The following PPP2R2C variants were observed in gnomAD, a reference collection of about 807,000 sequenced individuals.
PPP2R2C encodes the protein protein phosphatase 2, regulatory subunit B, gamma.
A neutral mutation model predicts 45.3 loss-of-function variants in PPP2R2C; 10 were observed. That is an observed-to-expected ratio of 0.22 (90% CI 0.14 to 0.37). The LOEUF (loss-of-function observed/expected upper bound fraction) is 0.37. Among genes scored for constraint, PPP2R2C ranks in the 10% least tolerant of loss-of-function variants. The pLI is 1.00. For missense variants in PPP2R2C, 308 were observed against 619.7 expected (o/e 0.50, Z 5.34); for synonymous variants, 257 against 245.4 (o/e 1.05, Z -0.44).
At chr4:6,381,176 C>T (rs757029398) in intron 1 of PPP2R2C, 82 bp from the exon 2 acceptor site, 33 of 1,549,038 alleles carry the variant, frequency 2.1e-5, no homozygotes, top group Admixed American at 7.8e-5. Context: ...ACAGCAATGG[C>T]GAGCTCCCCG....
chr4:6,440,418 C>T (rs887815739), intron 1 of PPP2R2C, among the ~76,000 whole-genome samples: 2 of 152,150 alleles, frequency 1.3e-5, no homozygotes, highest in Non-Finnish European at 2.9e-5. Context: ...ACTCAGAGTC[C>T]CCTGGGGCCA....
chr4:6,417,249 T>C (rs1718653708), intron 1 of PPP2R2C, among the ~76,000 whole-genome samples: 1 of 152,156 alleles, frequency 6.6e-6, no homozygotes, highest in Non-Finnish European at 1.5e-5. Context: ...AGGGTCCAGG[T>C]GGTAATGCTG....
chr4:6,450,514 G>T (rs1036281978), intron 1 of PPP2R2C, among the ~76,000 whole-genome samples: 1 of 152,124 alleles, frequency 6.6e-6, no homozygotes, highest in African/African-American at 2.4e-5. Flanking sequence ...GGGTCAGCTC[G>T]GGGGGTTCCA....
chr4:6,444,052 G>A (rs902634948), intron 1 of PPP2R2C, among the ~76,000 whole-genome samples: 10 of 152,316 alleles, frequency 6.6e-5, no homozygotes, highest in Middle Eastern at 3.4e-3. Context: ...CCCTCTGCCC[G>A]TGACAGAGTT....
intron 1 of PPP2R2C, among the ~76,000 whole-genome samples, chr4:6,453,578 C>A (rs942119873): frequency 6.6e-6 from 1 of 152,070 alleles, no homozygotes; most frequent in Non-Finnish European, 1.5e-5. Flanking sequence ...ATGGTCCCCC[C>A]GCACCAGTGC....
chr4:6,365,330 G>T (rs1714198250), intron 5 of PPP2R2C, among the ~76,000 whole-genome samples: 1 of 152,232 alleles, frequency 6.6e-6, no homozygotes, highest in South Asian at 2.1e-4. Flanking sequence ...TCTGAGCAGG[G>T]CATCCCAGTT....
chr4:6,348,603 ACCTCG>A, intron 5 of PPP2R2C: 1 of 977,858 alleles, frequency 1.0e-6, no homozygotes, highest in Non-Finnish European at 1.2e-6. Context: ...GGTCGGCCCC[ACCTCG>A]GCTCTGATCT....
intron 1 of PPP2R2C, among the ~76,000 whole-genome samples, chr4:6,441,190 G>T (rs1198493598): frequency 1.3e-5 from 2 of 152,008 alleles, no homozygotes; most frequent in Admixed American, 1.3e-4. Flanking sequence ...GCAGGCTCTG[G>T]AAAAAAGCAC....
At chr4:6,412,024 T>C (rs1259436372) in intron 1 of PPP2R2C, among the ~76,000 whole-genome samples, 1 of 152,186 alleles carries the variant, frequency 6.6e-6, no homozygotes, top group Non-Finnish European at 1.5e-5. Context: ...CACCTGAACA[T>C]GAGCTCCTCA....
chr4:6,553,944 A>T (rs1209146675), intron 1 of PPP2R2C, among the ~76,000 whole-genome samples: 2 of 152,152 alleles, frequency 1.3e-5, no homozygotes, highest in African/African-American at 4.8e-5. Context: ...CCACTTTCAC[A>T]GACTGTGGCC....
intron 1 of PPP2R2C, among the ~76,000 whole-genome samples, chr4:6,545,056 G>A (rs768208199): frequency 1.4e-4 from 22 of 152,170 alleles, no homozygotes; most frequent in South Asian, 2.1e-4. Flanking sequence ...ATGCCAGGCC[G>A]GTTCTCAAAG....
At chr4:6,464,234 T>C (rs1239357030) in intron 1 of PPP2R2C, among the ~76,000 whole-genome samples, 1 of 152,216 alleles carries the variant, frequency 6.6e-6, no homozygotes, top group Non-Finnish European at 1.5e-5. Flanking sequence ...ATAATGGCTA[T>C]TGTGTTTGTT....
chr4:6,472,856 A>C (rs372769320), upstream of PPP2R2C, among the ~76,000 whole-genome samples: 1 of 151,952 alleles, frequency 6.6e-6, no homozygotes, highest in East Asian at 1.9e-4. Flanking sequence ...TTGGGTGCCC[A>C]GGTGCTCCAG....
intron 1 of PPP2R2C, among the ~76,000 whole-genome samples, chr4:6,388,782 C>A (rs529905966): frequency 2.0e-5 from 3 of 152,282 alleles, no homozygotes; most frequent in South Asian, 2.1e-4. Context: ...TCAGAGGGAG[C>A]CCAGCCCTGC....
intron 2 of PPP2R2C, among the ~76,000 whole-genome samples, chr4:6,525,596 C>G (rs1208269302): frequency 6.6e-6 from 1 of 152,180 alleles, no homozygotes; most frequent in African/African-American, 2.4e-5. Context: ...TGCTTTCCCT[C>G]TTAAGGGTTA....
At chr4:6,512,008 G>A (rs1577230797) in intron 2 of PPP2R2C, among the ~76,000 whole-genome samples, 1 of 8,558 alleles carries the variant, frequency 1.2e-4, no homozygotes, top group African/African-American at 6.7e-4. Flanking sequence ...GGTGGTGATG[G>A]TGGTGGTTGT....
intron 1 of PPP2R2C, among the ~76,000 whole-genome samples, chr4:6,425,103 G>T (rs761306552): frequency 5.3e-5 from 8 of 152,202 alleles, no homozygotes; most frequent in Non-Finnish European, 7.3e-5. Flanking sequence ...TTCATATAGG[G>T]TTGCCGAGAG....
intron 1 of PPP2R2C, among the ~76,000 whole-genome samples, chr4:6,395,051 C>A (rs552525362): frequency 3.1e-4 from 47 of 152,280 alleles, no homozygotes; most frequent in African/African-American, 1.1e-3. Flanking sequence ...CACCCGCGAG[C>A]CTGCAGCCGC....
At chr4:6,455,752 G>A (rs1353686532) in intron 1 of PPP2R2C, among the ~76,000 whole-genome samples, 2 of 152,146 alleles carry the variant, frequency 1.3e-5, no homozygotes, top group Non-Finnish European at 2.9e-5. Flanking sequence ...CTGCAAGACT[G>A]TAAGTGAACG....
Sources: allele counts gnomAD v4.1 joint callset (sites outside exome capture counted in the v4.1 genomes callset), GRCh38; gene constraint gnomAD v4.1.1; transcripts MANE v1.5; gene names NCBI Gene and HGNC (gene_info 2026-07-23, HGNC 2026-07-21).